Variants in LRP8 observed in about 807,000 individuals in gnomAD.
The protein encoded by LRP8 is LDL receptor related protein 8, also known as low-density lipoprotein receptor-related protein 8.
LRP8 carries 46 observed loss-of-function variants against 111.6 expected under a neutral mutation model. The ratio of observed to expected loss-of-function variants is 0.41; its 90% confidence interval spans 0.33 to 0.53. The LOEUF (loss-of-function observed/expected upper bound fraction) is 0.53, where lower values mean the gene tolerates loss of function less well. Ranked by LOEUF, LRP8 falls within the 20% of genes least tolerant of loss-of-function variation. The probability of loss-of-function intolerance (pLI) is 0.20; values close to 1 mark genes in which losing one functional copy is unlikely to be tolerated. For synonymous variants in LRP8, 464 were observed against 511.2 expected, an observed-to-expected ratio of 0.91 and a Z score of 1.24; for missense variants, 959 against 1,297.4, an observed-to-expected ratio of 0.74 and a Z score of 4.01.
rs1648282237 is a variant in LRP8, at chr1:53,289,693, C to T, written c.245-4G>A. The T allele has an allele frequency of 6.2e-7, 1 of 1,613,654 alleles. No individual in the cohort carries two copies. Among genetic ancestry groups the T allele is most frequent in the African/African-American group, 1.3e-5 (1 of 75,048 alleles). On this transcript the variant is annotated splice_region_variant and splice_polypyrimidine_tract_variant and intron_variant, in intron 2 of 18. Coordinates refer to ENST00000306052, the MANE Select transcript of LRP8 (RefSeq NM_004631.5). ...CTGTCTGCACAGGTCTTCTTGGCTG[C>T]AGGGCAAGGAAGAGAGCGTGGTGAG...
chr1:53,242,831 C>G lies in LRP8; in HGVS notation c.*4187G>C, dbSNP rs1645665287. The G allele has an allele frequency of 8.1e-6, 1 of 122,924 alleles. No individual in the cohort carries two copies. The highest frequency in any genetic ancestry group is 1.8e-5 in the Non-Finnish European group (1 of 56,948). 7.6% of individuals were successfully genotyped at this position (122,924 alleles called of 1,614,324 possible). A position where few individuals can be genotyped will look rare whatever the true frequency, so the allele number is the denominator to read the frequency against. ...TTGTAAAAAAGTATCAAAACCTTGG[C>G]TTTAAATATATATATATATATATAT... On this transcript the variant is annotated 3_prime_UTR_variant, in exon 19 of 19. Coordinates refer to ENST00000306052, the MANE Select transcript of LRP8 (RefSeq NM_004631.5).
intron 2 of LRP8, among the ~76,000 whole-genome samples, chr1:53,319,919 G>A (rs1240960794): frequency 6.6e-6 from 1 of 152,226 alleles, no homozygotes; most frequent in Non-Finnish European, 1.5e-5. Context: ...TACTGTCATC[G>A]TGACTGGGAT....
At chr1:53,286,718 CAAG>C (rs1327465279) in intron 3 of LRP8, among the ~76,000 whole-genome samples, 1 of 152,234 alleles carries the variant, frequency 6.6e-6, no homozygotes, top group Non-Finnish European at 1.5e-5. Flanking sequence ...GGGGAAAACA[CAAG>C]AATTGGGACC....
chr1:53,300,250 A>C (rs1650554557), intron 2 of LRP8, among the ~76,000 whole-genome samples: 1 of 152,168 alleles, frequency 6.6e-6, no homozygotes, highest in African/African-American at 2.4e-5. Context: ...TTGCTCACGC[A>C]GCTCCCCCAG....
rs544423038 is a variant in LRP8, at chr1:53,285,239, C to T, written c.367+4328G>A. Among the ~76,000 whole-genome samples the T allele has an allele frequency of 3.3e-5, 5 of 152,284 alleles. No homozygotes were observed. The East Asian group carries it at 9.7e-4, about 29-fold the overall frequency. On this transcript the variant is annotated intron_variant, in intron 3 of 18. Transcript: ENST00000306052. ...AAACACAGTGCTTAACTTACTGCAC[C>T]TAACCACTGCACAAGAGAATCAAGC...
intron 16 of LRP8, among the ~76,000 whole-genome samples, chr1:53,251,074 G>A (rs535208603): frequency 1.2e-4 from 18 of 152,288 alleles, no homozygotes; most frequent in Non-Finnish European, 2.2e-4. Context: ...CAAATGTGAA[G>A]TCTTCCCCAA....
At chr1:53,297,463 T>A (rs1453787482) in intron 2 of LRP8, among the ~76,000 whole-genome samples, 1 of 152,200 alleles carries the variant, frequency 6.6e-6, no homozygotes, top group Non-Finnish European at 1.5e-5. Flanking sequence ...TGGGCGGGAC[T>A]CGGTGCGTGG....
At chr1:53,253,010 G>A (rs879730229) in intron 16 of LRP8, among the ~76,000 whole-genome samples, 2 of 152,184 alleles carry the variant, frequency 1.3e-5, no homozygotes, top group African/African-American at 2.4e-5. Context: ...GTGCAAGTCA[G>A]GAGAGAAGTA....
At chr1:53,252,494 C>T (rs1018494650) in intron 16 of LRP8, among the ~76,000 whole-genome samples, 7 of 152,228 alleles carry the variant, frequency 4.6e-5, no homozygotes, top group Admixed American at 1.3e-4. Context: ...TGTGATCGCA[C>T]CACTGCACTC....
chr1:53,252,080 GA>G (rs1645916545), intron 16 of LRP8, among the ~76,000 whole-genome samples: 1 of 150,404 alleles, frequency 6.6e-6, no homozygotes, highest in African/African-American at 2.4e-5. Context: ...AAATACATAT[GA>G]GAAAGGAGGA....
rs773274036 is a variant in LRP8, at chr1:53,280,610, G to T, written c.473C>A (p.Ala158Glu). ...ACAGGTAGCACAGCCGGCCTCATCC[G>T]CTCCACCCTCGCAGTCCTTCTCCCC... ...CDGEKDCEGGADEAGCATLCA... is the reference protein window; with the variant it reads ...CDGEKDCEGGEDEAGCATLCA... Residue 158 changes from alanine (A) to glutamate (E), a missense_variant, in exon 4 of 19, where the codon GCG (alanine) becomes GAG (glutamate). Coordinates refer to ENST00000306052, the MANE Select transcript of LRP8 (RefSeq NM_004631.5). 5.6e-6 allele frequency: 9 copies of T among 1,612,834 alleles called. No homozygotes were observed. The Middle Eastern group carries it at 6.6e-4, about 118-fold the overall frequency.
At chr1:53,292,620 C>A (rs892475453) in intron 2 of LRP8, among the ~76,000 whole-genome samples, 1 of 152,204 alleles carries the variant, frequency 6.6e-6, no homozygotes, top group Non-Finnish European at 1.5e-5. Flanking sequence ...AAAAAAGAAA[C>A]GTATATCCTA....
At chr1:53,291,087 TG>T (rs377108807) in intron 2 of LRP8, among the ~76,000 whole-genome samples, 129 of 152,304 alleles carry the variant, frequency 8.5e-4, no homozygotes, top group African/African-American at 3.0e-3. Flanking sequence ...TGTGCTATTT[TG>T]CTCTGTATCC....
chr1:53,260,692 A>G, intron 12 of LRP8, 87 bp from the exon 13 acceptor site: 2 of 1,373,848 alleles, frequency 1.5e-6, no homozygotes, highest in Non-Finnish European at 2.0e-6. Context: ...CCATAGTCAC[A>G]AGAACTTCCC....
intron 13 of LRP8, among the ~76,000 whole-genome samples, chr1:53,259,380 G>A (rs1646239158): frequency 6.6e-6 from 1 of 152,124 alleles, no homozygotes; most frequent in African/African-American, 2.4e-5. Context: ...CCAAAGTGCT[G>A]GAATTGCAGG....
In LRP8 at chr1:53,264,360, C is replaced by T; in HGVS notation, c.1464G>A (p.Gln488=). ...GCAACTGCTCGTCAATGAGGACCTC[C>T]TGCTCTTTCGGGTCACTGGCCTTGT... The part of the protein sequence containing the change: ...YMDKASDPKE[Q]EVLIDEQLHS... Residue 488 remains glutamine (Q), a synonymous_variant, in exon 10 of 19, where the codon CAG becomes CAA. Transcript: ENST00000306052. The T allele has an allele frequency of 6.2e-7, 1 of 1,614,094 alleles. No individual in the cohort carries two copies. Among genetic ancestry groups the T allele is most frequent in the Non-Finnish European group, 8.5e-7 (1 of 1,179,966 alleles).
chr1:53,262,595 T>G lies in LRP8; in HGVS notation c.1656-31A>C, dbSNP rs1646384989. 6.3e-7 allele frequency: 1 copy of G among 1,575,480 alleles called. No individual in the cohort carries two copies. Among genetic ancestry groups the G allele is most frequent in the African/African-American group, 1.3e-5 (1 of 74,296 alleles). On this transcript the variant is annotated intron_variant, in intron 10 of 18. Transcript: ENST00000306052. The surrounding 1 kb of genome is among the most constrained non-coding windows in gnomAD (Gnocchi z 4.8). ...AGACAAAATAACCCAATTTGCCTTC[T>G]TGCTGGGGACATGACCGGGGTGGTC...
At chr1:53,306,813 T>C (rs1348993153) in intron 2 of LRP8, among the ~76,000 whole-genome samples, 1 of 152,210 alleles carries the variant, frequency 6.6e-6, no homozygotes, top group Non-Finnish European at 1.5e-5. Flanking sequence ...GCTCTGATCG[T>C]ATTGTGATGC....
At chr1:53,269,882 C>T (rs1185735507) in intron 8 of LRP8, among the ~76,000 whole-genome samples, 1 of 152,122 alleles carries the variant, frequency 6.6e-6, no homozygotes, top group Non-Finnish European at 1.5e-5. Context: ...GTGTCTACTA[C>T]AATGTTAGGT....
Sources: gnomAD v4.1 joint callset for allele counts (sites outside exome capture counted in the v4.1 genomes callset) on GRCh38, gnomAD v4.1.1 for gene constraint, Gnocchi (gnomAD v3.1) non-coding constraint, MANE v1.5 for transcripts, NCBI Gene and HGNC (gene_info 2026-07-23, HGNC 2026-07-21) for gene names.